Variants in PLOD1 observed in about 807,000 individuals in gnomAD.
PLOD1 encodes lysine hydroxylase.
A neutral mutation model predicts 94.7 loss-of-function variants in PLOD1; 70 were observed. That is an observed-to-expected ratio of 0.74 (90% CI 0.61 to 0.90). PLOD1 has a LOEUF of 0.90. Ranked by LOEUF, PLOD1 falls within the 40% of genes least tolerant of loss-of-function variation. PLOD1 has a pLI of 0.00. For missense variants in PLOD1, 905 were observed against 972.7 expected (o/e 0.93, Z 0.93); for synonymous variants, 417 against 400.2 (o/e 1.04, Z -0.50).
In PLOD1 at chr1:11,949,761, G is replaced by A. The variant is rs1434606493; in HGVS notation, c.169-12G>A. 2 of 1,613,614 alleles carry A rather than the reference G, an allele frequency of 1.2e-6. No homozygotes were observed. Among genetic ancestry groups the A allele is most frequent in the Middle Eastern group, 1.7e-4 (1 of 6,054 alleles). On this transcript the variant is annotated splice_polypyrimidine_tract_variant and intron_variant, in intron 2 of 18. Transcript: ENST00000196061. ...TTACCAAAAGCCCGTGTTAAGGGGT[G>A]TTTCTCTCCAGGCGCTTGGCCTAGG... is the stretch of plus-strand genomic sequence containing the variant.
chr1:11,938,526 A>G (rs759665557), intron 1 of PLOD1, among the ~76,000 whole-genome samples: 5 of 152,102 alleles, frequency 3.3e-5, no homozygotes, highest in Non-Finnish European at 7.4e-5. Flanking sequence ...TGGGTTGCTC[A>G]TCTTCCCTGC....
intron 1 of PLOD1, among the ~76,000 whole-genome samples, chr1:11,941,786 G>A (rs1013294389): frequency 3.9e-5 from 6 of 152,032 alleles, no homozygotes; most frequent in African/African-American, 1.4e-4. Context: ...GCCCGGACTA[G>A]TAGCTGGGAT....
At chr1:11,967,597 G>GTGTATGTATATATATATATATA (rs1391982281) in intron 16 of PLOD1, among the ~76,000 whole-genome samples, 2 of 59,780 alleles carry the variant, frequency 3.3e-5, no homozygotes, top group Non-Finnish European at 6.6e-5. Context: ...GTGTGTGTGT[G>GTGTATGTATATATATATATATA]TATATATATA....
Position 11,966,298 on chromosome 1 carries a change from A to T in PLOD1, c.1632A>T (p.Ala544=), listed in dbSNP as rs2230898. 7.5e-6 allele frequency: 12 copies of T among 1,606,960 alleles called. No individual in the cohort carries two copies. The East Asian group carries it at 2.2e-4, about 30-fold the overall frequency. ...YIHQNYTKAL[A]GKLVETPCPD... is the part of the protein sequence containing the mutation. ...ACCAGAACTACACCAAAGCCCTGGC[A>T]GGGAAGCTGGTGGAGACGGTAAGGG... Residue 544 remains alanine (A), a synonymous_variant, in exon 15 of 19, where the codon GCA becomes GCT. Transcript: ENST00000196061.
chr1:11,952,711 G>T lies in PLOD1; in HGVS notation c.555G>T (p.Lys185Asn), dbSNP rs142978362. The change falls in exon 5 of 19, where the codon AAG (lysine) becomes AAT (asparagine). Residue 185 changes from lysine to asparagine, a missense_variant. By Grantham distance (94) the Lys-to-Asn change is moderately conservative. Coordinates refer to ENST00000196061, the MANE Select transcript of PLOD1 (RefSeq NM_000302.4). ...ACAGCGATCAGCTGTTTTACACCAA[G>T]ATCTTCTTGGACCCGGAGAAGAGGG... The part of the protein sequence containing the change: ...DSDSDQLFYT[K>N]IFLDPEKREQ... 4.4e-3 allele frequency: 7,027 copies of T among 1,613,646 alleles called. 28 individuals carry two copies. Among genetic ancestry groups the T allele is most frequent in the Non-Finnish European group, 5.6e-3 (6,583 of 1,179,562 alleles).
intron 1 of PLOD1, among the ~76,000 whole-genome samples, chr1:11,938,514 A>C (rs2100732885): frequency 6.6e-6 from 1 of 152,242 alleles, no homozygotes; most frequent in South Asian, 2.1e-4. Context: ...AGGAGGACAG[A>C]GTGGGTTGCT....
rs1220880404 is a variant in PLOD1 at position 11,975,253 on chromosome 1, GGGGTAAAGA to G, written c.*446_*454del. ...ACCAGGGACTTCTGCTTCAAGTTTT[GGGGTAAAGA>G]CACCTGGATCAGACTCCAAGGGCTG... On this transcript the variant is annotated 3_prime_UTR_variant, in exon 19 of 19. Transcript: ENST00000196061. The G allele has an allele frequency of 4.0e-5, 11 of 276,950 alleles. No homozygotes were observed. Among genetic ancestry groups the G allele is most frequent in the Non-Finnish European group, 5.7e-5 (8 of 140,820 alleles). 17.2% of individuals were successfully genotyped at this position (276,950 alleles called of 1,614,324 possible). A position where few individuals can be genotyped will look rare whatever the true frequency, so the allele number is the denominator to read the frequency against.
chr1:11,969,145 G>A (rs544010342), intron 16 of PLOD1, among the ~76,000 whole-genome samples: 2 of 149,200 alleles, frequency 1.3e-5, no homozygotes, highest in Non-Finnish European at 1.5e-5. Context: ...CCACCACTAC[G>A]CCTGGCTAAT....
chr1:11,957,912 A>T lies in PLOD1; in HGVS notation c.812A>T (p.Asp271Val). Reference protein sequence around the residue: ...WTFETGCTVCDEGLRSLKGIG... With the variant: ...WTFETGCTVCVEGLRSLKGIG... Reference sequence around the variant, plus strand: ...TTCGAAACAGGCTGCACCGTGTGTGACGAAGGCTTGCGCAGCCTCAAGGGC... The same window carrying T: ...TTCGAAACAGGCTGCACCGTGTGTGTCGAAGGCTTGCGCAGCCTCAAGGGC... Residue 271 changes from aspartate (D) to valine (V), a missense_variant, in exon 8 of 19, where the codon GAC becomes GTC. Physicochemically the swap from Asp to Val is radical, Grantham distance 152. Coordinates refer to ENST00000196061, the MANE Select transcript of PLOD1 (RefSeq NM_000302.4). This position sits in a 1 kb window ranked among gnomAD's most constrained non-coding sequence, Gnocchi z 4.1. The T allele has an allele frequency of 6.2e-7, 1 of 1,613,906 alleles. No homozygotes were observed. The highest frequency in any genetic ancestry group is 8.5e-7 in the Non-Finnish European group (1 of 1,179,812).
intron 1 of PLOD1, among the ~76,000 whole-genome samples, chr1:11,936,720 G>A (rs1007671319): frequency 1.3e-5 from 2 of 151,640 alleles, no homozygotes; most frequent in African/African-American, 4.8e-5. Context: ...ACGAGGTTTC[G>A]CCATGTTGGC....
Position 11,950,438 on chromosome 1 carries a change from T to C in PLOD1, c.384T>C (p.Ala128=). The change falls in exon 4 of 19, where the codon GCT becomes GCC. Residue 128 remains alanine (A), a synonymous_variant. Transcript: ENST00000196061. ...RQARSQVVFS[A]EELIYPDRRL... is the part of the protein sequence containing the mutation. ...CCAGGAGCCAGGTGGTCTTCTCTGC[T>C]GAGGAGCTCATCTACCCAGACCGCA... 2 of 1,614,186 alleles carry C rather than the reference T, an allele frequency of 1.2e-6. No individual in the cohort carries two copies.
chr1:11,973,083 G>C, intron 18 of PLOD1, 86 bp downstream of exon 18: 1 of 1,529,290 alleles, frequency 6.5e-7, no homozygotes, highest in South Asian at 1.1e-5. Flanking sequence ...GGTTGAGGCA[G>C]AGGGGCCCCA....
chr1:11,939,024 C>A (rs563969170), intron 1 of PLOD1, among the ~76,000 whole-genome samples: 2 of 152,330 alleles, frequency 1.3e-5, no homozygotes, highest in East Asian at 3.9e-4. Context: ...AGATGTCCCA[C>A]AGCCCTTCCT....
At position 11,963,808 on chromosome 1, in the gene PLOD1, T is replaced by C. The variant is rs1645796224; in HGVS notation, c.1202+172T>C. On this transcript the variant is annotated intron_variant, in intron 11 of 18. Coordinates refer to ENST00000196061, the MANE Select transcript of PLOD1 (RefSeq NM_000302.4). The surrounding 1 kb of genome is among the most constrained non-coding windows in gnomAD (Gnocchi z 4.3). Reference sequence around the variant, plus strand: ...TTCCTCCTTGTCTTCCTCCTCCTCTTCCTCTTCCTCCTCTTCCTCCTTTTT... The same window carrying C: ...TTCCTCCTTGTCTTCCTCCTCCTCTCCCTCTTCCTCCTCTTCCTCCTTTTT... Among the ~76,000 whole-genome samples, 1 of 151,526 alleles carries C rather than the reference T, an allele frequency of 6.6e-6. No homozygotes were observed. The highest frequency in any genetic ancestry group is 2.4e-5 in the African/African-American group (1 of 41,218).
rs1286311245 is a variant in PLOD1, at chr1:11,960,783, C to G, written c.1097+16C>G. ...ACATGGGCGCGTGAGTTGTGGGCCA[C>G]AGTACTCTCCACTGACAGTGGGGGC... On this transcript the variant is annotated intron_variant, in intron 10 of 18. Transcript: ENST00000196061. 6.2e-7 allele frequency: 1 copy of G among 1,612,254 alleles called. No individual in the cohort carries two copies. Among genetic ancestry groups the G allele is most frequent in the Non-Finnish European group, 8.5e-7 (1 of 1,179,950 alleles).
At chr1:11,937,693 A>T (rs1645589278) in intron 1 of PLOD1, among the ~76,000 whole-genome samples, 1 of 152,140 alleles carries the variant, frequency 6.6e-6, no homozygotes, top group Admixed American at 6.6e-5. Context: ...AAGTGACAGG[A>T]GGAGGGCAGA....
Position 11,974,788 on chromosome 1 carries a change from G to A in PLOD1, c.2164G>A (p.Val722Ile). Reference protein sequence around the residue: ...PTTRGTRYIAVSFVDP With the variant: ...PTTRGTRYIAISFVDP Reference sequence around the variant, plus strand: ...CACCAGGGGCACCCGCTACATCGCAGTCTCCTTCGTCGATCCCTAATTGGC... The same window carrying A: ...CACCAGGGGCACCCGCTACATCGCAATCTCCTTCGTCGATCCCTAATTGGC... Residue 722 changes from valine to isoleucine, a missense_variant, in exon 19 of 19, where the codon GTC becomes ATC. By Grantham distance (29) the Val-to-Ile change is conservative. Transcript: ENST00000196061. 6.2e-7 allele frequency: 1 copy of A among 1,614,182 alleles called. No individual in the cohort carries two copies. Among genetic ancestry groups the A allele is most frequent in the African/African-American group, 1.3e-5 (1 of 75,056 alleles).
intron 6 of PLOD1, 86 bp downstream of exon 6, chr1:11,954,979 T>G (rs953374260): frequency 9.4e-7 from 1 of 1,065,126 alleles, no homozygotes; most frequent in Non-Finnish European, 1.5e-6. Flanking sequence ...GGAGGAGAAA[T>G]GGGCTGCTTC....
chr1:11,962,278 T>TC (rs1433577235), intron 10 of PLOD1, among the ~76,000 whole-genome samples: 32 of 130,462 alleles, frequency 2.5e-4, no homozygotes, highest in African/African-American at 8.0e-4. Context: ...TGTTTTCTTT[T>TC]TTTTTTTTTT....
Sources: allele counts gnomAD v4.1 joint callset (sites outside exome capture counted in the v4.1 genomes callset), GRCh38; gene constraint gnomAD v4.1.1; non-coding constraint Gnocchi (gnomAD v3.1); transcripts MANE v1.5; gene names NCBI Gene and HGNC (gene_info 2026-07-23, HGNC 2026-07-21).